The following ELOVL3 variants were observed in gnomAD, a reference collection of about 807,000 sequenced individuals.
ELOVL3 encodes the protein ELOVL fatty acid elongase 3, also known as very long chain fatty acid elongase 3.
In ELOVL3, 11 loss-of-function variants were observed where a neutral mutation model predicts 14.9. That is an observed-to-expected ratio of 0.74 (90% CI 0.46 to 1.22). The LOEUF is 1.22. ELOVL3 is among the 50% of genes most tolerant of loss of function. ELOVL3 has a pLI of 0.00. For synonymous variants in ELOVL3, 117 were observed against 124.7 expected, an observed-to-expected ratio of 0.94 and a Z score of 0.41; for missense variants, 277 against 338.9, an observed-to-expected ratio of 0.82 and a Z score of 1.43.
chr10:102,226,762 T>C (rs898446694), intron 1 of ELOVL3, 113 bp downstream of exon 1: 12 of 704,508 alleles, frequency 1.7e-5, no homozygotes, highest in Non-Finnish European at 2.7e-5. Context: ...TGGGACTCCC[T>C]TGTACTGGCT....
rs1293676370 is a variant in ELOVL3 at position 102,226,330 on chromosome 10, C to G, written c.-219C>G. ...AAGAGGTCGCGCCAGCCCGGGCAGGCAGCTTTGCAAGTCCGCGTTATATAT... is the reference window on the plus strand; with the variant it reads ...AAGAGGTCGCGCCAGCCCGGGCAGGGAGCTTTGCAAGTCCGCGTTATATAT... On this transcript the variant is annotated 5_prime_UTR_variant, in exon 1 of 4. Transcript: ENST00000370005. 1.9e-6 allele frequency: 1 copy of G among 519,766 alleles called. No homozygotes were observed. 32.2% of individuals were successfully genotyped at this position (519,766 alleles called of 1,614,324 possible).
At chr10:102,228,653 C>A in intron 3 of ELOVL3, 85 bp downstream of exon 3, 1 of 1,525,418 alleles carries the variant, frequency 6.6e-7, no homozygotes, top group South Asian at 1.2e-5. Flanking sequence ...CATGGAGGGT[C>A]TCTTTCCTAC....
Position 102,226,480 on chromosome 10 carries a change from G to A in ELOVL3, c.-69G>A. 2 of 1,134,938 alleles carry A rather than the reference G, an allele frequency of 1.8e-6. No homozygotes were observed. The highest frequency in any genetic ancestry group is 2.7e-6 in the Non-Finnish European group (2 of 752,194). 70.3% of individuals were successfully genotyped at this position (1,134,938 alleles called of 1,614,324 possible). On this transcript the variant is annotated 5_prime_UTR_variant, in exon 1 of 4. Coordinates refer to ENST00000370005, the MANE Select transcript of ELOVL3 (RefSeq NM_152310.3). ...TGTTCCGTCTCGCCCCGAGGTTCAC[G>A]CCATCCTCGGAGCCCCAGCCTTTCA...
chr10:102,226,792 G>T, intron 1 of ELOVL3, 143 bp downstream of exon 1: 1 of 605,952 alleles, frequency 1.7e-6, no homozygotes, highest in Non-Finnish European at 2.9e-6. Context: ...CTTTGTCCGA[G>T]GTGCAGGTAG....
At chr10:102,228,678 A>C in intron 3 of ELOVL3, 110 bp downstream of exon 3, 2 of 1,449,166 alleles carry the variant, frequency 1.4e-6, no homozygotes, top group South Asian at 1.3e-5. Context: ...GGGTCCCAAT[A>C]ATACCTCTCA....
chr10:102,227,319 G>A (rs775870141), intron 1 of ELOVL3, among the ~76,000 whole-genome samples: 1 of 152,088 alleles, frequency 6.6e-6, no homozygotes, highest in Non-Finnish European at 1.5e-5. Context: ...TTCTAGGCGC[G>A]GGCCAGACAG....
In ELOVL3 at chr10:102,226,364, C is replaced by CT. The variant is rs536815978; in HGVS notation, c.-184dup. The CT allele has an allele frequency of 1.3e-3, 727 of 568,894 alleles. 9 individuals carry two copies. In the African/African-American group the frequency reaches 0.013, roughly 10 times the overall value. 35.2% of individuals were successfully genotyped at this position (568,894 alleles called of 1,614,324 possible). A position where few individuals can be genotyped will look rare whatever the true frequency, so the allele number is the denominator to read the frequency against. On this transcript the variant is annotated 5_prime_UTR_variant, in exon 1 of 4. Coordinates refer to ENST00000370005, the MANE Select transcript of ELOVL3 (RefSeq NM_152310.3). ...AAGTCCGCGTTATATATCGCAGTGG[C>CT]TGCGCCCGGGATAGCTGGCTGCGCC...
upstream of ELOVL3, among the ~76,000 whole-genome samples, chr10:102,225,523 A>G (rs1226594841): frequency 6.6e-6 from 1 of 152,212 alleles, no homozygotes; most frequent in East Asian, 1.9e-4. Context: ...AAAACTTTTA[A>G]AAGTTTTAGA....
At chr10:102,226,697 G>T in intron 1 of ELOVL3, 48 bp downstream of exon 1, 1 of 1,376,420 alleles carries the variant, frequency 7.3e-7, no homozygotes, top group South Asian at 1.2e-5. Context: ...CCGGGGCCGG[G>T]GCGCGAGGGG....
At chr10:102,227,948 C>T (rs1235300464) in intron 2 of ELOVL3, among the ~76,000 whole-genome samples, 191 bp downstream of exon 2, 1 of 152,134 alleles carries the variant, frequency 6.6e-6, no homozygotes, top group Non-Finnish European at 1.5e-5. Flanking sequence ...TGTTTTCCTT[C>T]TCTTTTAGAC....
At chr10:102,227,781 C>T in intron 2 of ELOVL3, 24 bp downstream of exon 2, 1 of 1,611,662 alleles carries the variant, frequency 6.2e-7, no homozygotes, top group African/African-American at 1.3e-5. Context: ...CCACTCCCTG[C>T]CTCTTCTCTA....
rs1034678432 is a variant in ELOVL3 at position 102,226,744 on chromosome 10, CAG to C, written c.101+98_101+99del. ...TGCCCACAATGATTTTCTTACAGAG[CAG>C]AGTTATGGGACTCCCTTGTACTGGC... On this transcript the variant is annotated intron_variant, in intron 1 of 3. Transcript: ENST00000370005. 9.3e-6 allele frequency: 8 copies of C among 857,040 alleles called. No homozygotes were observed. The Admixed American group carries it at 1.2e-4, about 13-fold the overall frequency. 53.1% of individuals were successfully genotyped at this position (857,040 alleles called of 1,614,324 possible).
At position 102,228,887 on chromosome 10, in the gene ELOVL3, A is replaced by G; in HGVS notation, c.448A>G (p.Ser150Gly). 4 of 1,614,186 alleles carry G rather than the reference A, an allele frequency of 2.5e-6. No individual in the cohort carries two copies. Among genetic ancestry groups the G allele is most frequent in the Non-Finnish European group, 3.4e-6 (4 of 1,180,038 alleles). ...CATCTTTATTCACTGGTACCACCAC[A>G]GCACAGTGCTCGTGTACACAAGCTT... is the stretch of plus-strand genomic sequence containing the variant. ...PLIFIHWYHH[S>G]TVLVYTSFGY... Residue 150 changes from serine (S) to glycine (G), a missense_variant, in exon 4 of 4, where the codon AGC becomes GGC. Coordinates refer to ENST00000370005, the MANE Select transcript of ELOVL3 (RefSeq NM_152310.3).
chr10:102,227,510 G>A, intron 1 of ELOVL3, 116 bp from the exon 2 acceptor site: 1 of 1,182,090 alleles, frequency 8.5e-7, no homozygotes. Context: ...ATGTCACATA[G>A]CTAGTAAGTG....
Position 102,227,760 on chromosome 10 carries a change from A to G in ELOVL3, c.233+3A>G. 6.2e-7 allele frequency: 1 copy of G among 1,613,564 alleles called. No individual in the cohort carries two copies. Among genetic ancestry groups the G allele is most frequent in the South Asian group, 1.1e-5 (1 of 91,042 alleles). ...TCCTTCTGCCTTGCAATCTTCAGGTAAGACCCCATCCCACTCCCTGCCTCT... is the reference window on the plus strand; with the variant it reads ...TCCTTCTGCCTTGCAATCTTCAGGTGAGACCCCATCCCACTCCCTGCCTCT... On this transcript the variant is annotated splice_donor_region_variant and intron_variant, in intron 2 of 3. Transcript: ENST00000370005.
At position 102,229,084 on chromosome 10, in the gene ELOVL3, C is replaced by T. The variant is rs1046807248; in HGVS notation, c.645C>T (p.Ile215=). 8 of 1,614,196 alleles carry T rather than the reference C, an allele frequency of 5.0e-6. No individual in the cohort carries two copies. In the East Asian group the frequency reaches 8.9e-5, roughly 18 times the overall value. The change falls in exon 4 of 4, where the codon ATC becomes ATT. Residue 215 remains isoleucine, a synonymous_variant. Transcript: ENST00000370005. The stretch of plus-strand genomic sequence containing the variant: ...TCTTGCAGATGTTTGTAGGAGCCAT[C>T]GTCAGCATCCTCACGTACATCTGGA... The part of the protein sequence containing the change: ...LQILQMFVGA[I]VSILTYIWRQ...
chr10:102,226,757 C>T, intron 1 of ELOVL3, 108 bp downstream of exon 1: 1 of 727,806 alleles, frequency 1.4e-6, no homozygotes, highest in South Asian at 1.6e-5. Flanking sequence ...AGTTATGGGA[C>T]TCCCTTGTAC....
chr10:102,228,385 C>G, intron 2 of ELOVL3, 32 bp from the exon 3 acceptor site: 1 of 1,608,106 alleles, frequency 6.2e-7, no homozygotes, highest in Non-Finnish European at 8.5e-7. Context: ...CTGGGGATGA[C>G]ACTTACACCA....
chr10:102,227,534 T>G (rs2070147690), intron 1 of ELOVL3, 92 bp from the exon 2 acceptor site: 1 of 1,435,972 alleles, frequency 7.0e-7, no homozygotes, highest in Admixed American at 2.1e-5. Flanking sequence ...GAACTGGGAC[T>G]CCAACCCAGA....
Sources: gnomAD v4.1 joint callset for allele counts (sites outside exome capture counted in the v4.1 genomes callset) on GRCh38, gnomAD v4.1.1 for gene constraint, MANE v1.5 for transcripts, NCBI Gene and HGNC (gene_info 2026-07-23, HGNC 2026-07-21) for gene names.